Variants in GCN1 observed in about 807,000 individuals in gnomAD.
The protein encoded by GCN1 is stalled ribosome sensor GCN1.
Under a neutral mutation model 288.4 loss-of-function variants are expected in GCN1, and 90 were observed. That is an observed-to-expected ratio of 0.31 (90% CI 0.26 to 0.37). The LOEUF is 0.37. Among genes scored for constraint, GCN1 ranks in the 10% least tolerant of loss-of-function variants. The pLI is 1.00. For synonymous variants in GCN1, 1,386 were observed against 1,420.2 expected (o/e 0.98, Z 0.54); for missense variants, 2,586 against 3,419.9 (o/e 0.76, Z 6.08).
chr12:120,137,033 C>T lies in GCN1; in HGVS notation c.6777+173G>A, dbSNP rs1877027500. 6.6e-6 allele frequency among the ~76,000 whole-genome samples: 1 copy of T among 152,236 alleles called. No homozygotes were observed. The highest frequency in any genetic ancestry group is 1.5e-5 in the Non-Finnish European group (1 of 68,036). ...GCTTAAACCAAAGGCAGCATGAACC[C>T]TGTCCCCATCTGACTGCCATGGAAG... On this transcript the variant is annotated intron_variant, in intron 50 of 57. Coordinates refer to ENST00000300648, the MANE Select transcript of GCN1 (RefSeq NM_006836.2). This position sits in a 1 kb window ranked among gnomAD's most constrained non-coding sequence, Gnocchi z 5.2.
intron 2 of GCN1, among the ~76,000 whole-genome samples, chr12:120,189,668 A>G (rs1160251678): frequency 6.6e-6 from 1 of 151,910 alleles, no homozygotes; most frequent in African/African-American, 2.4e-5. Flanking sequence ...TGCCTGGCCA[A>G]GGCCATGGTT....
Position 120,164,673 on chromosome 12 carries a change from G to C in GCN1, c.1661C>G (p.Pro554Arg), listed in dbSNP as rs764734201. 3 of 1,613,540 alleles carry C rather than the reference G, an allele frequency of 1.9e-6. No individual in the cohort carries two copies. The highest frequency in any genetic ancestry group is 2.5e-6 in the Non-Finnish European group (3 of 1,179,586). The change falls in exon 17 of 58, where the codon CCG becomes CGG. Residue 554 changes from proline (P) to arginine (R), a missense_variant. This residue lies in a region of GCN1 where 913 missense variants were observed against 1,107.0 expected (regional missense o/e 0.82). Coordinates refer to ENST00000300648, the MANE Select transcript of GCN1 (RefSeq NM_006836.2). ...HLTERLFLDH[P>R]HRLTGNKVQQ... Reference sequence around the variant, plus strand: ...AACTTTGTTGCCAGTGAGTCTATGCGGGTGGTCAAGGAAAAGTCTCTCTGT... The same window carrying C: ...AACTTTGTTGCCAGTGAGTCTATGCCGGTGGTCAAGGAAAAGTCTCTCTGT...
At position 120,161,474 on chromosome 12, in the gene GCN1, G is replaced by A. The variant is rs1249722881; in HGVS notation, c.2436+16C>T. ...AGCTCAGCAGCCACCTTCCGTAAGT[G>A]CCTCCGTGTACTCACCTCCTTCAGC... On this transcript the variant is annotated intron_variant, in intron 22 of 57. Coordinates refer to ENST00000300648, the MANE Select transcript of GCN1 (RefSeq NM_006836.2). 1 of 1,566,896 alleles carries A rather than the reference G, an allele frequency of 6.4e-7. No homozygotes were observed. The highest frequency in any genetic ancestry group is 8.8e-7 in the Non-Finnish European group (1 of 1,136,938).
Position 120,127,918 on chromosome 12 carries a change from T to G in GCN1, c.7947A>C (p.Arg2649=). The G allele has an allele frequency of 6.2e-7, 1 of 1,614,102 alleles. No homozygotes were observed. Among genetic ancestry groups the G allele is most frequent in the Non-Finnish European group, 8.5e-7 (1 of 1,179,942 alleles). The part of the protein sequence containing the change: ...ASLEVLNEVN[R]RSLKKLASQA... ...GGCTGGCCAGCTTCTTCAGGGACCT[T>G]CGGTTAACCTCGTTCAGCACCTCCA... is the stretch of plus-strand genomic sequence containing the variant. Residue 2649 remains arginine, a synonymous_variant, in exon 58 of 58, where the codon CGA becomes CGC. Coordinates refer to ENST00000300648, the MANE Select transcript of GCN1 (RefSeq NM_006836.2).
chr12:120,180,061 C>T (rs1274989618), intron 5 of GCN1, among the ~76,000 whole-genome samples: 1 of 152,218 alleles, frequency 6.6e-6, no homozygotes, highest in East Asian at 1.9e-4. Context: ...AATCCCAGCA[C>T]TTTGGGAGGC....
At position 120,127,853 on chromosome 12, in the gene GCN1, G is replaced by A. The variant is rs754215729; in HGVS notation, c.8012C>T (p.Thr2671Ile). Residue 2671 changes from threonine to isoleucine, a missense_variant, in exon 58 of 58, where the codon ACA becomes ATA. Thr to Ile is a moderately conservative substitution (Grantham distance 89). Around this residue, in one of 8 missense-constraint regions of GCN1, gnomAD observed 355 missense variants for 431.1 expected, o/e 0.82. Coordinates refer to ENST00000300648, the MANE Select transcript of GCN1 (RefSeq NM_006836.2). Reference sequence around the variant, plus strand: ...GCTGCTGCTGGCCCAGGCCTCTCATGTCAGGATGGTGTCGTCCACCTGCTC... The same window carrying A: ...GCTGCTGCTGGCCCAGGCCTCTCATATCAGGATGGTGTCGTCCACCTGCTC... ...STEQVDDTILT is the reference protein window; with the variant it reads ...STEQVDDTILI The A allele has an allele frequency of 4.3e-6, 7 of 1,614,032 alleles. No homozygotes were observed. Among genetic ancestry groups the A allele is most frequent in the East Asian group, 2.2e-5 (1 of 44,904 alleles).
At position 120,137,234 on chromosome 12, in the gene GCN1, T is replaced by C. The variant is rs764426161; in HGVS notation, c.6749A>G (p.His2250Arg). ...RLIGNESKGEHVPGFCLPKKG... is the reference protein window; with the variant it reads ...RLIGNESKGERVPGFCLPKKG... ...CTTCGGGAGGCAGAATCCTGGCACA[T>C]GCTCGCCTTTGCTCTCGTTCCCTAT... The change falls in exon 50 of 58, where the codon CAT becomes CGT. Residue 2250 changes from histidine (H) to arginine (R), a missense_variant. This residue lies in a region of GCN1 where 437 missense variants were observed against 570.5 expected (regional missense o/e 0.77). Transcript: ENST00000300648. The surrounding 1 kb of genome is among the most constrained non-coding windows in gnomAD (Gnocchi z 5.2). 3.1e-6 allele frequency: 5 copies of C among 1,614,108 alleles called. No individual in the cohort carries two copies. In the East Asian group the frequency reaches 8.9e-5, roughly 29 times the overall value.
chr12:120,187,008 G>A (rs187852178), intron 2 of GCN1, among the ~76,000 whole-genome samples: 33 of 152,218 alleles, frequency 2.2e-4, no homozygotes, highest in African/African-American at 6.7e-4. Context: ...CAGAAAAACC[G>A]TCGAGGATGC....
intron 10 of GCN1, 124 bp from the exon 11 acceptor site, chr12:120,175,998 G>T: frequency 1.5e-6 from 2 of 1,365,236 alleles, no homozygotes; most frequent in Non-Finnish European, 2.1e-6. Context: ...ATAATCTCAA[G>T]AAAGAAACTG....
In GCN1 at chr12:120,170,191, C is replaced by A. The variant is rs1251100572; in HGVS notation, c.1497G>T (p.Leu499Phe). ...TACCAGCCTGTGAGTCAGCCACTGA[C>A]AACTTTAAGAGCAACAAGGCTGCGG... ...GVAAALLLLK[L>F]SVADSQAEAK... The change falls in exon 15 of 58, where the codon TTG becomes TTT. Residue 499 changes from leucine (L) to phenylalanine (F), a missense_variant. Around this residue, in one of 8 missense-constraint regions of GCN1, gnomAD observed 913 missense variants for 1,107.0 expected, o/e 0.82. Transcript: ENST00000300648. 1 of 1,614,172 alleles carries A rather than the reference C, an allele frequency of 6.2e-7. No homozygotes were observed. The highest frequency in any genetic ancestry group is 8.5e-7 in the Non-Finnish European group (1 of 1,180,022).
At chr12:120,148,897 G>A (rs1877445320) in intron 36 of GCN1, among the ~76,000 whole-genome samples, 2 of 152,024 alleles carry the variant, frequency 1.3e-5, no homozygotes, top group Admixed American at 1.3e-4. Context: ...ATAGCTCGCT[G>A]CAGCCCCAAA....
In GCN1 at chr12:120,127,879, C is replaced by A; in HGVS notation, c.7986G>T (p.Thr2662=). Reference sequence around the variant, plus strand: ...TCAGGATGGTGTCGTCCACCTGCTCCGTGGAGTCGGCCTGGCTGGCCAGCT... The same window carrying A: ...TCAGGATGGTGTCGTCCACCTGCTCAGTGGAGTCGGCCTGGCTGGCCAGCT... ...LKKLASQADS[T]EQVDDTILT The change falls in exon 58 of 58, where the codon ACG becomes ACT. Residue 2662 remains threonine, a synonymous_variant. Coordinates refer to ENST00000300648, the MANE Select transcript of GCN1 (RefSeq NM_006836.2). 1 of 1,613,938 alleles carries A rather than the reference C, an allele frequency of 6.2e-7. No individual in the cohort carries two copies. Among genetic ancestry groups the A allele is most frequent in the Non-Finnish European group, 8.5e-7 (1 of 1,179,774 alleles).
rs373973687 is a variant in GCN1, at chr12:120,172,562, T to C, written c.1366+1091A>G. Among the ~76,000 whole-genome samples, 26 of 152,076 alleles carry C rather than the reference T, an allele frequency of 1.7e-4. 1 individual carries two copies. The South Asian group carries it at 5.0e-3, about 29-fold the overall frequency. On this transcript the variant is annotated intron_variant, in intron 14 of 57. Transcript: ENST00000300648. ...TATCACTCTGTCACCCAGGCAGGAGTGCAATGGCTTGATCTCGGCTCACTG... is the reference window on the plus strand; with the variant it reads ...TATCACTCTGTCACCCAGGCAGGAGCGCAATGGCTTGATCTCGGCTCACTG...
At chr12:120,194,532 G>A (rs967525010) in intron 1 of GCN1, 148 bp downstream of exon 1, 6 of 785,364 alleles carry the variant, frequency 7.6e-6, no homozygotes, top group African/African-American at 7.3e-5. Flanking sequence ...GCAGCCCTGA[G>A]AGTCCAGCCT....
chr12:120,168,348 C>T (rs1234784960), intron 15 of GCN1, 48 bp from the exon 16 acceptor site: 2 of 1,093,180 alleles, frequency 1.8e-6, no homozygotes, highest in African/African-American at 3.1e-5. Flanking sequence ...CCACATCCCC[C>T]AGAGCTGATC....
intron 14 of GCN1, among the ~76,000 whole-genome samples, chr12:120,173,057 C>CT (rs963596285): frequency 0.056 from 7,351 of 130,290 alleles, 662 homozygotes; most frequent in African/African-American, 0.19. Context: ...TTAAACCAGT[C>CT]TTTTTTTTTT....
intron 44 of GCN1, 127 bp from the exon 45 acceptor site, chr12:120,141,150 A>C: frequency 2.6e-6 from 2 of 772,706 alleles, no homozygotes; most frequent in Non-Finnish European, 4.2e-6. Context: ...ACTTCCCCAA[A>C]TGCTCTTACC....
chr12:120,168,506 A>G, intron 15 of GCN1: 1 of 511,760 alleles, frequency 2.0e-6, no homozygotes, highest in Admixed American at 3.4e-5. Context: ...TCTGCTGCCT[A>G]CAGGATCCTA....
chr12:120,127,929 C>T lies in GCN1; in HGVS notation c.7936G>A (p.Glu2646Lys), dbSNP rs1398500944. ...LDVASLEVLN[E>K]VNRRSLKKLA... ...TTCTTCAGGGACCTTCGGTTAACCT[C>T]GTTCAGCACCTCCAAACTGGCCACA... The change falls in exon 58 of 58, where the codon GAG becomes AAG. Residue 2646 changes from glutamate (E) to lysine (K), a missense_variant. Around this residue, in one of 8 missense-constraint regions of GCN1, gnomAD observed 355 missense variants for 431.1 expected, o/e 0.82. Transcript: ENST00000300648. The T allele has an allele frequency of 1.2e-6, 2 of 1,614,084 alleles. No individual in the cohort carries two copies. The highest frequency in any genetic ancestry group is 2.2e-5 in the East Asian group (1 of 44,878).
Sources: allele counts gnomAD v4.1 joint callset (sites outside exome capture counted in the v4.1 genomes callset), GRCh38; gene constraint gnomAD v4.1.1; regional missense constraint gnomAD v4.1.1; non-coding constraint Gnocchi (gnomAD v3.1); transcripts MANE v1.5; gene names NCBI Gene and HGNC (gene_info 2026-07-23, HGNC 2026-07-21).